The following CERT1 variants were observed in gnomAD, a reference collection of about 807,000 sequenced individuals.
The protein encoded by CERT1 is ceramide transporter 1.
A neutral mutation model predicts 87.9 loss-of-function variants in CERT1; 31 were observed. The observed-to-expected ratio is 0.35, with a 90% CI of 0.27 to 0.48. The LOEUF (loss-of-function observed/expected upper bound fraction) is 0.48. CERT1 is among the 20% of genes least tolerant of loss of function. The probability of loss-of-function intolerance (pLI) is 0.99; values close to 1 mark genes in which losing one functional copy is unlikely to be tolerated. For synonymous variants in CERT1, 289 were observed against 250.9 expected (o/e 1.15, Z -1.44); for missense variants, 487 against 758.0 (o/e 0.64, Z 4.20).
At chr5:75,381,865 TG>T in intron 15 of CERT1, 83 bp downstream of exon 15, 4 of 1,222,844 alleles carry the variant, frequency 3.3e-6, no homozygotes, top group Non-Finnish European at 2.3e-6. Flanking sequence ...GTATAGTGTA[TG>T]GGCTGTGTTT....
intron 10 of CERT1, among the ~76,000 whole-genome samples, chr5:75,399,977 CA>C (rs1762404224): frequency 6.6e-6 from 1 of 151,998 alleles, no homozygotes; most frequent in South Asian, 2.1e-4. Context: ...ATTAAAAATA[CA>C]AAAATTAGCT....
intron 3 of CERT1, among the ~76,000 whole-genome samples, chr5:75,432,759 T>C (rs969518281): frequency 3.3e-5 from 5 of 152,268 alleles, no homozygotes; most frequent in Admixed American, 2.0e-4. Flanking sequence ...GACTTCTTCA[T>C]GAAATCTTCA....
intron 2 of CERT1, among the ~76,000 whole-genome samples, chr5:75,489,629 A>T (rs2112421683): frequency 1.3e-5 from 2 of 152,366 alleles, no homozygotes; most frequent in East Asian, 3.9e-4. Flanking sequence ...AACAAACATG[A>T]AAAAAAGCTC....
At chr5:75,419,243 C>T (rs1034575144) in intron 6 of CERT1, 98 bp downstream of exon 6, 9 of 753,806 alleles carry the variant, frequency 1.2e-5, no homozygotes, top group Non-Finnish European at 1.7e-5. Flanking sequence ...AGTTCTACTG[C>T]TTTTTAAAAA....
chr5:75,465,824 G>A (rs1213442360), intron 2 of CERT1, among the ~76,000 whole-genome samples: 4 of 152,140 alleles, frequency 2.6e-5, no homozygotes, highest in Non-Finnish European at 2.9e-5. Context: ...TAGAATCAAA[G>A]TAAGGCTGGA....
At chr5:75,498,764 T>G (rs1767197787) in intron 2 of CERT1, among the ~76,000 whole-genome samples, 1 of 152,092 alleles carries the variant, frequency 6.6e-6, no homozygotes, top group Admixed American at 6.5e-5. Flanking sequence ...AAATGTGGGG[T>G]TGAAGCCCCC....
chr5:75,388,836 G>C (rs181733105), intron 12 of CERT1, among the ~76,000 whole-genome samples: 1,983 of 151,744 alleles, frequency 0.013, 13 homozygotes, highest in Non-Finnish European at 0.02. Context: ...TGTTGCCCAG[G>C]TTTGACTTGA....
At chr5:75,433,381 A>G (rs934736827) in intron 3 of CERT1, among the ~76,000 whole-genome samples, 4 of 152,156 alleles carry the variant, frequency 2.6e-5, no homozygotes, top group Non-Finnish European at 4.4e-5. Flanking sequence ...GCAGTGTTTT[A>G]TAATTCTCAT....
intron 3 of CERT1, among the ~76,000 whole-genome samples, chr5:75,439,191 T>TAA (rs1764212761): frequency 6.6e-6 from 1 of 150,890 alleles, no homozygotes; most frequent in Non-Finnish European, 1.5e-5. Flanking sequence ...CAGAAATGTC[T>TAA]AAAAACTGAA....
At chr5:75,420,330 C>T (rs570621876) in intron 5 of CERT1, among the ~76,000 whole-genome samples, 2 of 150,288 alleles carry the variant, frequency 1.3e-5, no homozygotes, top group Non-Finnish European at 3.0e-5. Flanking sequence ...TAATGACTTG[C>T]AGATATGATA....
rs1016337840 is a variant in CERT1 at position 75,459,185 on chromosome 5, T to C, written c.232-4A>G. ...GACATTCATCAAAATCGTGAGGCTG[T>C]GGAGAAAAAGTAGAAAATGAAAAGC... On this transcript the variant is annotated splice_region_variant and splice_polypyrimidine_tract_variant and intron_variant, in intron 2 of 16. Coordinates refer to ENST00000643780, the MANE Select transcript of CERT1 (RefSeq NM_001379029.1). 3 of 1,577,168 alleles carry C rather than the reference T, an allele frequency of 1.9e-6. No homozygotes were observed. Among genetic ancestry groups the C allele is most frequent in the South Asian group, 2.2e-5 (2 of 90,344 alleles).
At chr5:75,428,692 AAT>A (rs1763735837) in intron 3 of CERT1, among the ~76,000 whole-genome samples, 1 of 150,526 alleles carries the variant, frequency 6.6e-6, no homozygotes, top group Non-Finnish European at 1.5e-5. Context: ...AAAAAAAAAA[AAT>A]ATTTACAAGA....
At chr5:75,381,250 AC>A in intron 15 of CERT1, 49 bp from the exon 16 acceptor site, 4 of 1,607,164 alleles carry the variant, frequency 2.5e-6, no homozygotes, top group Non-Finnish European at 3.4e-6. Flanking sequence ...TATTTTGTAA[AC>A]TCTGCTGGTC....
chr5:75,456,663 CAA>C (rs34320476), intron 3 of CERT1, among the ~76,000 whole-genome samples: 2,274 of 69,530 alleles, frequency 0.033, 37 homozygotes, highest in African/African-American at 0.11. Flanking sequence ...GACCTCATCT[CAA>C]AAAAAAAAAA....
intron 2 of CERT1, among the ~76,000 whole-genome samples, chr5:75,478,908 C>CT (rs1766095965): frequency 9.3e-5 from 1 of 10,782 alleles, no homozygotes; most frequent in Non-Finnish European, 1.4e-4. Flanking sequence ...AAAGTAAGTA[C>CT]TAAAAAAAAA....
chr5:75,418,490 T>C (rs2112156049), intron 6 of CERT1, among the ~76,000 whole-genome samples: 1 of 152,264 alleles, frequency 6.6e-6, no homozygotes, highest in East Asian at 1.9e-4. Context: ...TCCTAGGTAT[T>C]TACCCAAAAT....
chr5:75,495,595 A>G (rs1223798152), intron 2 of CERT1, among the ~76,000 whole-genome samples: 1 of 152,098 alleles, frequency 6.6e-6, no homozygotes, highest in Non-Finnish European at 1.5e-5. Flanking sequence ...AAGCCTACAC[A>G]GCACTCACTC....
At chr5:75,386,341 G>A (rs914510597) in intron 12 of CERT1, among the ~76,000 whole-genome samples, 3 of 152,106 alleles carry the variant, frequency 2.0e-5, no homozygotes, top group Non-Finnish European at 2.9e-5. Flanking sequence ...TGTTTAACAT[G>A]GCTAAGAAAA....
intron 2 of CERT1, among the ~76,000 whole-genome samples, chr5:75,474,452 T>A (rs767540501): frequency 1.1e-4 from 16 of 152,082 alleles, no homozygotes; most frequent in Non-Finnish European, 2.4e-4. Flanking sequence ...TACCTGACAG[T>A]AGAACCCACA....
Sources: allele counts gnomAD v4.1 joint callset (sites outside exome capture counted in the v4.1 genomes callset), GRCh38; gene constraint gnomAD v4.1.1; transcripts MANE v1.5; gene names NCBI Gene and HGNC (gene_info 2026-07-23, HGNC 2026-07-21).